Variants in VMP1 observed in about 807,000 individuals in gnomAD.
The protein encoded by VMP1 is vacuole membrane protein 1.
Under a neutral mutation model 56.0 loss-of-function variants are expected in VMP1, and 11 were observed. The ratio of observed to expected loss-of-function variants is 0.20; its 90% confidence interval spans 0.12 to 0.32. The LOEUF (loss-of-function observed/expected upper bound fraction) is 0.32. Ranked by LOEUF, VMP1 falls within the 10% of genes least tolerant of loss-of-function variation. The pLI, the probability that VMP1 is intolerant of heterozygous loss-of-function variation, is 1.00. For missense variants in VMP1, 296 were observed against 490.3 expected (o/e 0.60, Z 3.74); for synonymous variants, 149 against 165.0 (o/e 0.90, Z 0.74).
chr17:59,808,339 C>T (rs1159139335), intron 7 of VMP1, among the ~76,000 whole-genome samples: 1 of 152,190 alleles, frequency 6.6e-6, no homozygotes, highest in Non-Finnish European at 1.5e-5. Context: ...GTAGGATGTT[C>T]TTTTGCTTCT....
At chr17:59,789,646 G>A (rs1426820367) in intron 7 of VMP1, among the ~76,000 whole-genome samples, 6 of 152,050 alleles carry the variant, frequency 3.9e-5, no homozygotes, top group Non-Finnish European at 7.4e-5. Context: ...TGTTATAAGT[G>A]CTGAGTGCTT....
At chr17:59,742,729 A>G (rs2035274225) in intron 5 of VMP1, among the ~76,000 whole-genome samples, 1 of 151,940 alleles carries the variant, frequency 6.6e-6, no homozygotes, top group Non-Finnish European at 1.5e-5. Context: ...CAAGCAAGTG[A>G]AGCTTCATCT....
At chr17:59,832,573 ATTTGTTTTGT>A (rs71145579) in intron 10 of VMP1, among the ~76,000 whole-genome samples, 113 of 146,238 alleles carry the variant, frequency 7.7e-4, no homozygotes, top group Middle Eastern at 3.5e-3. Flanking sequence ...AATTGTAGTT[ATTTGTTTTGT>A]TTTGTTTTGT....
chr17:59,795,058 C>T (rs901634430), intron 7 of VMP1, among the ~76,000 whole-genome samples: 7 of 133,070 alleles, frequency 5.3e-5, no homozygotes, highest in African/African-American at 8.5e-5. Flanking sequence ...AATGTAATGG[C>T]GTGATCTTGG....
chr17:59,798,339 T>A (rs908154750), intron 7 of VMP1, among the ~76,000 whole-genome samples: 5 of 152,178 alleles, frequency 3.3e-5, no homozygotes, highest in Admixed American at 1.3e-4. Flanking sequence ...ATGAAAAAAA[T>A]TTGTGTTGAT....
At chr17:59,799,411 C>T (rs967575911) in intron 7 of VMP1, among the ~76,000 whole-genome samples, 1 of 152,122 alleles carries the variant, frequency 6.6e-6, no homozygotes. Flanking sequence ...GATGTTAAAA[C>T]GTTTCATTTT....
intron 5 of VMP1, among the ~76,000 whole-genome samples, chr17:59,751,175 G>T (rs1222657083): frequency 2.6e-5 from 4 of 151,858 alleles, no homozygotes; most frequent in African/African-American, 9.7e-5. Flanking sequence ...CTCGTGATCG[G>T]CCAGGTAGCA....
rs1437503113 is a variant in VMP1 at position 59,817,734 on chromosome 17, T to A, written c.935T>A (p.Phe312Tyr). Residue 312 changes from phenylalanine (F) to tyrosine (Y), a missense_variant, in exon 10 of 12, where the codon TTC becomes TAC. Transcript: ENST00000262291. ...HIQKIFVIIT[F>Y]SKHIVEQMVA... ...CAGAAAATTTTTGTTATAATAACAT[T>A]CAGCAAGCACATAGTGGAGCAAATG... 2 of 1,607,206 alleles carry A rather than the reference T, an allele frequency of 1.2e-6. No homozygotes were observed. The highest frequency in any genetic ancestry group is 1.7e-6 in the Non-Finnish European group (2 of 1,177,352).
chr17:59,739,069 T>G, intron 5 of VMP1, 122 bp downstream of exon 5: 1 of 708,698 alleles, frequency 1.4e-6, no homozygotes, highest in Non-Finnish European at 2.2e-6. Flanking sequence ...GTAAGCATTC[T>G]GATCCTCCAA....
At chr17:59,711,029 C>T (rs577637119) in intron 1 of VMP1, among the ~76,000 whole-genome samples, 147 of 151,350 alleles carry the variant, frequency 9.7e-4, no homozygotes, top group African/African-American at 3.4e-3. Context: ...GCCGAGATCG[C>T]GCCACTGCAC....
intron 1 of VMP1, among the ~76,000 whole-genome samples, chr17:59,718,735 T>C (rs1402193711): frequency 6.6e-6 from 1 of 151,948 alleles, no homozygotes; most frequent in Non-Finnish European, 1.5e-5. Flanking sequence ...TCTCACTGTG[T>C]TTCCCAGGCT....
chr17:59,841,759 A>G lies in VMP1; in HGVS notation c.*1848A>G, dbSNP rs1268473900. 1 of 152,220 alleles carries G rather than the reference A, an allele frequency of 6.6e-6. No homozygotes were observed. The highest frequency in any genetic ancestry group is 2.4e-5 in the African/African-American group (1 of 41,402). 9.4% of individuals were successfully genotyped at this position (152,220 alleles called of 1,614,324 possible). On this transcript the variant is annotated 3_prime_UTR_variant, in exon 12 of 12. Coordinates refer to ENST00000262291, the MANE Select transcript of VMP1 (RefSeq NM_030938.5). Reference sequence around the variant, plus strand: ...GTCGTGGTTCATCTCTTTCACCTGCATTTTATTTGGTGTTTGTCTGAAGAA... The same window carrying G: ...GTCGTGGTTCATCTCTTTCACCTGCGTTTTATTTGGTGTTTGTCTGAAGAA...
intron 5 of VMP1, among the ~76,000 whole-genome samples, chr17:59,740,895 G>C (rs964129923): frequency 3.3e-5 from 5 of 152,182 alleles, no homozygotes; most frequent in African/African-American, 9.7e-5. Flanking sequence ...CCAGATAGCA[G>C]ACTCTGCTGA....
chr17:59,789,507 C>G (rs986844467), intron 7 of VMP1, among the ~76,000 whole-genome samples: 1 of 151,118 alleles, frequency 6.6e-6, no homozygotes, highest in Non-Finnish European at 1.5e-5. Flanking sequence ...TGCACTCCAG[C>G]GTGGGTGACA....
chr17:59,838,125 T>C, intron 10 of VMP1, 170 bp from the exon 11 acceptor site: 1 of 213,118 alleles, frequency 4.7e-6, no homozygotes, highest in South Asian at 1.5e-4. Flanking sequence ...TTTTTTTAAC[T>C]AAAAAGGGGT....
chr17:59,809,449 C>T (rs1257428852), intron 8 of VMP1, among the ~76,000 whole-genome samples: 1 of 136,084 alleles, frequency 7.3e-6, no homozygotes, highest in African/African-American at 2.9e-5. Flanking sequence ...CCCAAAGTAG[C>T]TGGGATTTCA....
At chr17:59,780,813 A>C (rs1261977477) in intron 7 of VMP1, among the ~76,000 whole-genome samples, 1 of 151,852 alleles carries the variant, frequency 6.6e-6, no homozygotes, top group Admixed American at 6.6e-5. Context: ...GTCTCGAACT[A>C]CTGACCTCAG....
intron 9 of VMP1, among the ~76,000 whole-genome samples, chr17:59,812,490 G>A (rs1397935312): frequency 6.6e-6 from 1 of 152,154 alleles, no homozygotes; most frequent in Admixed American, 6.5e-5. Flanking sequence ...CAATTTAAAC[G>A]AAGGGAAAAT....
intron 1 of VMP1, among the ~76,000 whole-genome samples, chr17:59,726,979 G>A (rs980986860): frequency 1.3e-5 from 2 of 152,160 alleles, no homozygotes; most frequent in African/African-American, 2.4e-5. Flanking sequence ...TTGAGGTCAC[G>A]TGAAAGGTGA....
Sources: allele counts gnomAD v4.1 joint callset (sites outside exome capture counted in the v4.1 genomes callset), GRCh38; gene constraint gnomAD v4.1.1; transcripts MANE v1.5; gene names NCBI Gene and HGNC (gene_info 2026-07-23, HGNC 2026-07-21).